The following DLC1 variants were observed in gnomAD, a reference collection of about 807,000 sequenced individuals.
DLC1 encodes DLC1 Rho GTPase activating protein.
A neutral mutation model predicts 140.3 loss-of-function variants in DLC1; 54 were observed. That is an observed-to-expected ratio of 0.38 (90% CI 0.31 to 0.48). The LOEUF is 0.48. DLC1 is among the 20% of genes least tolerant of loss of function. The probability of loss-of-function intolerance (pLI) is 0.96; values close to 1 mark genes in which losing one functional copy is unlikely to be tolerated. For synonymous variants in DLC1, 986 were observed against 728.1 expected (o/e 1.35, Z -5.70); for missense variants, 2,536 against 1,907.0 (o/e 1.33, Z -6.14).
chr8:13,364,457 C>T (rs998016252), intron 4 of DLC1, among the ~76,000 whole-genome samples: 2 of 152,162 alleles, frequency 1.3e-5, no homozygotes, highest in African/African-American at 4.8e-5. Flanking sequence ...TGCCACCACG[C>T]CAGGCTAATT....
Position 13,499,215 on chromosome 8 carries a change from T to C in DLC1, c.857A>G (p.Asn286Ser), listed in dbSNP as rs374190119. 2.6e-5 allele frequency: 42 copies of C among 1,614,164 alleles called. No individual in the cohort carries two copies. Among genetic ancestry groups the C allele is most frequent in the East Asian group, 1.6e-4 (7 of 44,878 alleles). ...CAGGCCATTTTCAGCTGACATTCCA[T>C]TGGGGCAGGAAGGAGGCTGCAGAAG... Reference protein sequence around the residue: ...SCLLQPPSCPNGMSAENGLEK... With the variant: ...SCLLQPPSCPSGMSAENGLEK... Residue 286 changes from asparagine to serine, a missense_variant, in exon 2 of 18, where the codon AAT becomes AGT. Transcript: ENST00000276297.
At chr8:13,526,617 T>A (rs182540248) in intron 1 of DLC1, among the ~76,000 whole-genome samples, 1 of 152,232 alleles carries the variant, frequency 6.6e-6, no homozygotes, top group African/African-American at 2.4e-5. Flanking sequence ...TTCATGTCCT[T>A]TATAGGGACA....
intron 5 of DLC1, among the ~76,000 whole-genome samples, chr8:13,132,679 G>T (rs1177773224): frequency 6.6e-6 from 1 of 152,178 alleles, no homozygotes; most frequent in Non-Finnish European, 1.5e-5. Flanking sequence ...CGACCGATCC[G>T]GAGCCCGCCT....
intron 1 of DLC1, among the ~76,000 whole-genome samples, chr8:13,590,120 A>G: frequency 7.0e-6 from 1 of 142,664 alleles, no homozygotes; most frequent in Non-Finnish European, 1.5e-5. Flanking sequence ...CCTGAAGTTT[A>G]TTTTCCTATG....
At chr8:13,393,813 G>T in intron 3 of DLC1, 120 bp from the exon 4 acceptor site, 1 of 1,200,120 alleles carries the variant, frequency 8.3e-7, no homozygotes, top group Non-Finnish European at 1.2e-6. Flanking sequence ...ACACTAAAGA[G>T]TTGCTGACAA....
At chr8:13,437,397 A>C (rs781243467) in intron 2 of DLC1, among the ~76,000 whole-genome samples, 1 of 152,230 alleles carries the variant, frequency 6.6e-6, no homozygotes, top group South Asian at 2.1e-4. Flanking sequence ...TCAATTGAGC[A>C]TCTTTCGAAA....
At chr8:13,375,729 A>G (rs200696953) in intron 4 of DLC1, among the ~76,000 whole-genome samples, 3 of 91,664 alleles carry the variant, frequency 3.3e-5, no homozygotes, top group Non-Finnish European at 6.4e-5. Flanking sequence ...ATTTTATTTT[A>G]TTTTTATTTT....
intron 5 of DLC1, among the ~76,000 whole-genome samples, chr8:13,159,255 T>G (rs1824504579): frequency 6.6e-6 from 1 of 152,168 alleles, no homozygotes; most frequent in Non-Finnish European, 1.5e-5. Context: ...GGTTCCCAGT[T>G]TCTGCCAAGC....
At chr8:13,236,398 C>T (rs1829283094) in intron 5 of DLC1, among the ~76,000 whole-genome samples, 1 of 152,080 alleles carries the variant, frequency 6.6e-6, no homozygotes, top group Non-Finnish European at 1.5e-5. Flanking sequence ...TTATGAGATT[C>T]TATCTGTTCC....
At chr8:13,404,295 T>C (rs1301586355) in intron 2 of DLC1, among the ~76,000 whole-genome samples, 1 of 152,080 alleles carries the variant, frequency 6.6e-6, no homozygotes, top group Non-Finnish European at 1.5e-5. Flanking sequence ...ATTTCCGTGG[T>C]GTAAATACTC....
At chr8:13,391,226 T>C (rs1836747158) in intron 4 of DLC1, among the ~76,000 whole-genome samples, 1 of 152,120 alleles carries the variant, frequency 6.6e-6, no homozygotes, top group African/African-American at 2.4e-5. Context: ...TTTGCAGTGT[T>C]TGGTGGTGTT....
intron 5 of DLC1, among the ~76,000 whole-genome samples, chr8:13,197,287 C>T (rs530491317): frequency 2.0e-5 from 3 of 152,200 alleles, no homozygotes; most frequent in Admixed American, 1.3e-4. Context: ...CTATGCTGAT[C>T]AGATTCCCTA....
intron 1 of DLC1, among the ~76,000 whole-genome samples, chr8:13,575,400 G>C (rs1274245381): frequency 6.6e-6 from 1 of 152,048 alleles, no homozygotes; most frequent in East Asian, 1.9e-4. Flanking sequence ...TTGAAGGTGA[G>C]GAAAGAGACT....
chr8:13,350,920 T>C (rs1156681541), intron 4 of DLC1, among the ~76,000 whole-genome samples: 6 of 152,056 alleles, frequency 3.9e-5, no homozygotes, highest in Admixed American at 3.3e-4. Context: ...ATATTTGTCC[T>C]TTTGAATATA....
intron 1 of DLC1, chr8:13,566,936 C>T (rs955045718): frequency 6.8e-7 from 1 of 1,473,420 alleles, no homozygotes; most frequent in Non-Finnish European, 9.0e-7. Context: ...TGACGGGTTC[C>T]TGAGCCAGTC....
chr8:13,086,020 T>C, intron 17 of DLC1, 89 bp from the exon 18 acceptor site: 3 of 1,546,392 alleles, frequency 1.9e-6, no homozygotes, highest in East Asian at 2.3e-5. Context: ...CTAGTTCAAA[T>C]GCATAAAATC....
chr8:13,416,188 G>A (rs77682417), intron 2 of DLC1, among the ~76,000 whole-genome samples: 8,985 of 152,136 alleles, frequency 0.059, 428 homozygotes, highest in Non-Finnish European at 0.095. Flanking sequence ...CTGTTTCACT[G>A]TCTTTCTACA....
chr8:13,352,116 G>A (rs987303428), intron 4 of DLC1, among the ~76,000 whole-genome samples: 1 of 152,158 alleles, frequency 6.6e-6, no homozygotes, highest in African/African-American at 2.4e-5. Context: ...TAGCTTCTGA[G>A]TTAAGACAAC....
chr8:13,328,610 A>G (rs1404345322), intron 4 of DLC1, among the ~76,000 whole-genome samples: 1 of 152,218 alleles, frequency 6.6e-6, no homozygotes, highest in African/African-American at 2.4e-5. Flanking sequence ...AGGTGAGAAT[A>G]GAGGTCTTGG....
Sources: allele counts gnomAD v4.1 joint callset (sites outside exome capture counted in the v4.1 genomes callset), GRCh38; gene constraint gnomAD v4.1.1; transcripts MANE v1.5; gene names NCBI Gene and HGNC (gene_info 2026-07-23, HGNC 2026-07-21).